The following CTNNA2 variants were observed in gnomAD, a reference collection of about 807,000 sequenced individuals.
CTNNA2 encodes the protein catenin alpha 2, also known as catenin alpha-2.
Under a neutral mutation model 101.0 loss-of-function variants are expected in CTNNA2, and 42 were observed. The ratio of observed to expected loss-of-function variants is 0.42; its 90% CI spans 0.32 to 0.54. The LOEUF (loss-of-function observed/expected upper bound fraction) is 0.54. Ranked by LOEUF, CTNNA2 falls within the 20% of genes least tolerant of loss-of-function variation. The probability of loss-of-function intolerance (pLI) is 0.14; values close to 1 mark genes in which losing one functional copy is unlikely to be tolerated. For synonymous variants in CTNNA2, 450 were observed against 456.4 expected (o/e 0.99, Z 0.18); for missense variants, 871 against 1,223.1 (o/e 0.71, Z 4.29).
intron 9 of CTNNA2, among the ~76,000 whole-genome samples, chr2:80,463,965 C>T (rs1014951196): frequency 2.0e-5 from 3 of 152,096 alleles, no homozygotes; most frequent in African/African-American, 7.2e-5. Flanking sequence ...CCCTATTCTC[C>T]TTTTTCATCT....
chr2:80,504,204 T>C (rs1053632361), intron 9 of CTNNA2, among the ~76,000 whole-genome samples: 3 of 152,166 alleles, frequency 2.0e-5, no homozygotes, highest in African/African-American at 7.2e-5. Flanking sequence ...GAATTCAGTA[T>C]CTTGAGATTA....
rs553203201 is a variant in CTNNA2 at position 79,188,712 on chromosome 2, T to C, written c.-524+3281T>C. On this transcript the variant is annotated intron_variant, in intron 1 of 21. Transcript: ENST00000466387. ...AAGGAAGATGGAGGATATTTTAAAGTCAGGGAGTAAGTAGTGGAGGAAAAA... is the reference window on the plus strand; with the variant it reads ...AAGGAAGATGGAGGATATTTTAAAGCCAGGGAGTAAGTAGTGGAGGAAAAA... 3.9e-5 allele frequency among the ~76,000 whole-genome samples: 6 copies of C among 152,254 alleles called. No homozygotes were observed. The East Asian group carries it at 7.7e-4, about 20-fold the overall frequency.
At chr2:79,470,255 C>A (rs1350548549) in intron 4 of CTNNA2, among the ~76,000 whole-genome samples, 1 of 152,148 alleles carries the variant, frequency 6.6e-6, no homozygotes, top group Non-Finnish European at 1.5e-5. Context: ...GGCATCTCAG[C>A]TACTCAGGAG....
intron 7 of CTNNA2, among the ~76,000 whole-genome samples, chr2:79,959,816 G>A (rs914191489): frequency 4.6e-5 from 7 of 152,118 alleles, no homozygotes; most frequent in African/African-American, 1.7e-4. Flanking sequence ...GGTTGGAATG[G>A]GATCCATATC....
At chr2:79,199,049 G>A (rs1009613016) in intron 2 of CTNNA2, among the ~76,000 whole-genome samples, 4 of 152,122 alleles carry the variant, frequency 2.6e-5, no homozygotes, top group African/African-American at 7.2e-5. Flanking sequence ...GAATTCACAT[G>A]CCTGTCTATA....
intron 4 of CTNNA2, among the ~76,000 whole-genome samples, chr2:79,481,367 C>T (rs1461382091): frequency 2.6e-5 from 4 of 152,084 alleles, no homozygotes; most frequent in Non-Finnish European, 4.4e-5. Flanking sequence ...CTCCTACTTT[C>T]TCATTTCCCA....
intron 7 of CTNNA2, among the ~76,000 whole-genome samples, chr2:79,991,019 A>G (rs1400055249): frequency 1.3e-5 from 2 of 152,210 alleles, no homozygotes; most frequent in African/African-American, 4.8e-5. Context: ...GTATGTGTCC[A>G]GGAGTTTATC....
chr2:79,653,144 G>T (rs1366911307), intron 2 of CTNNA2, among the ~76,000 whole-genome samples: 2 of 152,130 alleles, frequency 1.3e-5, no homozygotes, highest in Non-Finnish European at 2.9e-5. Context: ...ATCTACATGG[G>T]AAAATTCCAT....
chr2:79,919,555 T>TCTGGACAGCACATAC (rs1358778059), intron 7 of CTNNA2, among the ~76,000 whole-genome samples: 5 of 152,166 alleles, frequency 3.3e-5, no homozygotes, highest in Non-Finnish European at 5.9e-5. Context: ...ATTTGGCCAG[T>TCTGGACAGCACATAC]CTGGACAGCA....
rs186505090 is a variant in CTNNA2, at chr2:80,097,486, G to C, written c.1056+187689G>C. 9.7e-3 allele frequency among the ~76,000 whole-genome samples: 1,474 copies of C among 152,098 alleles called. 18 individuals carry two copies. The highest frequency in any genetic ancestry group is 0.034 in the African/African-American group (1,398 of 41,480). ...GGTGAATCTGACAATTATGTGTCTT[G>C]GAGTTGCTCTTCTCGAGGAGTATCT... On this transcript the variant is annotated intron_variant, in intron 7 of 18. Transcript: ENST00000402739.
chr2:80,561,244 C>T (rs1478165086), intron 12 of CTNNA2, among the ~76,000 whole-genome samples: 1 of 152,154 alleles, frequency 6.6e-6, no homozygotes, highest in African/African-American at 2.4e-5. Flanking sequence ...GGACTATCCA[C>T]AGTCTAAGTT....
At chr2:80,059,633 A>T (rs1475565148) in intron 7 of CTNNA2, among the ~76,000 whole-genome samples, 1 of 152,226 alleles carries the variant, frequency 6.6e-6, no homozygotes, top group Non-Finnish European at 1.5e-5. Context: ...TCTCCCCATC[A>T]GCGTGTGAGC....
chr2:80,632,263 A>AC (rs201345844), intron 18 of CTNNA2, among the ~76,000 whole-genome samples: 2,410 of 147,926 alleles, frequency 0.016, 63 homozygotes, highest in African/African-American at 0.055. Context: ...TGGCAACATG[A>AC]CCCCCCCCAC....
At chr2:79,696,103 A>G (rs1289217086) in intron 2 of CTNNA2, among the ~76,000 whole-genome samples, 1 of 151,954 alleles carries the variant, frequency 6.6e-6, no homozygotes, top group Non-Finnish European at 1.5e-5. Flanking sequence ...TGGGAATGGA[A>G]GTGGGTAGGC....
chr2:80,412,901 C>T (rs767095068), intron 8 of CTNNA2, among the ~76,000 whole-genome samples: 1 of 152,150 alleles, frequency 6.6e-6, no homozygotes, highest in East Asian at 1.9e-4. Context: ...GTTGAATGAG[C>T]CTTTCAAATG....
chr2:80,635,419 C>T (rs1225416344), intron 18 of CTNNA2, among the ~76,000 whole-genome samples: 1 of 151,860 alleles, frequency 6.6e-6, no homozygotes, highest in African/African-American at 2.4e-5. Context: ...TCTTATGAGC[C>T]CTTAAATGAT....
chr2:79,817,316 CTTTTTTTTT>C (rs550422225), intron 3 of CTNNA2, among the ~76,000 whole-genome samples: 170 of 73,892 alleles, frequency 2.3e-3, no homozygotes, highest in Non-Finnish European at 3.9e-3. Context: ...TTCTCTCTCA[CTTTTTTTTT>C]TTTTTTTTTT....
intron 15 of CTNNA2, among the ~76,000 whole-genome samples, chr2:80,600,932 T>G (rs905036191): frequency 4.6e-5 from 7 of 152,110 alleles, no homozygotes; most frequent in African/African-American, 1.7e-4. Flanking sequence ...TTCATAAACC[T>G]TTTCTAAGTC....
At chr2:79,273,742 A>G (rs1675141462) in intron 2 of CTNNA2, among the ~76,000 whole-genome samples, 1 of 151,216 alleles carries the variant, frequency 6.6e-6, no homozygotes, top group African/African-American at 2.4e-5. Context: ...AATTAGTCAG[A>G]TTTGCTTCAG....
Sources: gnomAD v4.1 joint callset for allele counts (sites outside exome capture counted in the v4.1 genomes callset) on GRCh38, gnomAD v4.1.1 for gene constraint, MANE v1.5 for transcripts, NCBI Gene and HGNC (gene_info 2026-07-23, HGNC 2026-07-21) for gene names.